Variants in PLPPR1 observed in about 807,000 individuals in gnomAD.
PLPPR1 encodes phospholipid phosphatase related 1.
PLPPR1 carries 10 observed loss-of-function variants against 33.1 expected under a neutral mutation model. The observed-to-expected ratio is 0.30, with a 90% CI of 0.19 to 0.51. PLPPR1 has a LOEUF of 0.51. Among genes scored for constraint, PLPPR1 ranks in the 20% least tolerant of loss-of-function variants. PLPPR1 has a pLI of 0.97. For missense variants in PLPPR1, 304 were observed against 408.1 expected, an observed-to-expected ratio of 0.74 and a Z score of 2.20; for synonymous variants, 151 against 151.0, an observed-to-expected ratio of 1.00 and a Z score of 0.00.
At chr9:101,292,871 C>G (rs989108714) in intron 4 of PLPPR1, among the ~76,000 whole-genome samples, 1 of 151,688 alleles carries the variant, frequency 6.6e-6, no homozygotes, top group African/African-American at 2.4e-5. Flanking sequence ...TAAAGACCAT[C>G]GAGGCTAGGA....
intron 2 of PLPPR1, among the ~76,000 whole-genome samples, chr9:101,231,436 G>A (rs1827184696): frequency 6.6e-6 from 1 of 151,230 alleles, no homozygotes; most frequent in South Asian, 2.1e-4. Flanking sequence ...CAGAGATTTA[G>A]CACAAATTCT....
intron 1 of PLPPR1, among the ~76,000 whole-genome samples, chr9:101,107,677 C>G (rs1278809478): frequency 5.7e-5 from 5 of 88,262 alleles, no homozygotes; most frequent in Non-Finnish European, 1.1e-4. Flanking sequence ...TGGGCTCCAC[C>G]CAGTTCGAGC....
chr9:101,040,664 A>G (rs553776660), intron 1 of PLPPR1, among the ~76,000 whole-genome samples: 8 of 152,302 alleles, frequency 5.3e-5, no homozygotes, highest in African/African-American at 1.9e-4. Flanking sequence ...GCCTTCCCTC[A>G]TAACTGTCTA....
chr9:101,151,006 C>T (rs74565468), intron 1 of PLPPR1, among the ~76,000 whole-genome samples: 11,021 of 151,966 alleles, frequency 0.073, 1,279 homozygotes, highest in African/African-American at 0.25. Flanking sequence ...ACAGCATTGC[C>T]ATTTCTATTT....
chr9:101,189,270 A>T (rs1157434186), intron 2 of PLPPR1, among the ~76,000 whole-genome samples: 1 of 152,110 alleles, frequency 6.6e-6, no homozygotes, highest in Non-Finnish European at 1.5e-5. Context: ...AGATTTAAAA[A>T]TTTTCTGATT....
At chr9:101,160,511 T>C (rs1356729495) in intron 1 of PLPPR1, among the ~76,000 whole-genome samples, 1 of 152,178 alleles carries the variant, frequency 6.6e-6, no homozygotes, top group African/African-American at 2.4e-5. Context: ...GATTTGGGTC[T>C]TCAAACTTTC....
At chr9:101,029,411 T>G (rs1829912814) in intron 1 of PLPPR1, among the ~76,000 whole-genome samples, 1 of 152,168 alleles carries the variant, frequency 6.6e-6, no homozygotes, top group African/African-American at 2.4e-5. Flanking sequence ...TCCGTCCCGT[T>G]CCACCCTCCT....
intron 1 of PLPPR1, among the ~76,000 whole-genome samples, chr9:101,074,817 C>T (rs1300591864): frequency 6.6e-6 from 1 of 151,844 alleles, no homozygotes; most frequent in Admixed American, 6.6e-5. Flanking sequence ...ATAATAGAAA[C>T]ATGTTTGGTG....
intron 2 of PLPPR1, among the ~76,000 whole-genome samples, chr9:101,237,836 T>TGTATACAG (rs1554682636): frequency 7.7e-6 from 1 of 129,894 alleles, no homozygotes; most frequent in Non-Finnish European, 1.6e-5. Flanking sequence ...TATATATATA[T>TGTATACAG]GCTATATATG....
chr9:101,051,292 T>C (rs138354952), intron 1 of PLPPR1, among the ~76,000 whole-genome samples: 2 of 151,958 alleles, frequency 1.3e-5, no homozygotes, highest in African/African-American at 2.4e-5. Context: ...CTACTACTAC[T>C]ACCACTACCA....
chr9:101,260,403 G>C (rs1245895511), intron 2 of PLPPR1, among the ~76,000 whole-genome samples: 6 of 152,132 alleles, frequency 3.9e-5, no homozygotes, highest in Admixed American at 3.9e-4. Flanking sequence ...TTTCAAAAGT[G>C]CAGGTGAGAG....
chr9:101,055,923 C>T (rs769493031), intron 1 of PLPPR1, among the ~76,000 whole-genome samples: 21 of 152,182 alleles, frequency 1.4e-4, no homozygotes, highest in Admixed American at 6.5e-4. Flanking sequence ...TTGGAATTTA[C>T]GTCATGTTCC....
At chr9:101,080,974 C>T (rs1029958200) in intron 1 of PLPPR1, among the ~76,000 whole-genome samples, 10 of 152,104 alleles carry the variant, frequency 6.6e-5, no homozygotes, top group African/African-American at 2.4e-4. Context: ...ATTCCGGAGC[C>T]TAGTGGGAGT....
At chr9:101,231,242 G>A (rs953990059) in intron 2 of PLPPR1, among the ~76,000 whole-genome samples, 3 of 148,632 alleles carry the variant, frequency 2.0e-5, no homozygotes, top group Non-Finnish European at 4.4e-5. Context: ...TGACTATTGC[G>A]GGAAGGGAAA....
rs1297966506 is a variant in PLPPR1 at position 101,324,196 on chromosome 9, G to A, written c.*139G>A. Reference sequence around the variant, plus strand: ...GAAGCTAATGTTTTGTACATTTTTTGTATGAGGAAGTGATGTAGCTTGCCC... The same window carrying A: ...GAAGCTAATGTTTTGTACATTTTTTATATGAGGAAGTGATGTAGCTTGCCC... On this transcript the variant is annotated 3_prime_UTR_variant, in exon 8 of 8. Transcript: ENST00000374874. 3 of 544,952 alleles carry A rather than the reference G, an allele frequency of 5.5e-6. No individual in the cohort carries two copies. Among genetic ancestry groups the A allele is most frequent in the East Asian group, 7.2e-5 (2 of 27,816 alleles). The allele number at this position is 544,952 out of a possible 1,614,324, so 33.8% of individuals were successfully genotyped here.
At chr9:101,099,495 A>G (rs1055943798) in intron 1 of PLPPR1, among the ~76,000 whole-genome samples, 1 of 152,202 alleles carries the variant, frequency 6.6e-6, no homozygotes, top group Non-Finnish European at 1.5e-5. Flanking sequence ...TTACCCATCC[A>G]TGAATTCAAC....
intron 2 of PLPPR1, among the ~76,000 whole-genome samples, chr9:101,239,217 T>G (rs1472798810): frequency 1.3e-5 from 2 of 152,032 alleles, no homozygotes; most frequent in South Asian, 2.1e-4. Context: ...ATACTTCCTT[T>G]CCTTTGGATG....
intron 1 of PLPPR1, chr9:101,131,593 G>A (rs997123365): frequency 3.3e-5 from 5 of 152,220 alleles, no homozygotes; most frequent in African/African-American, 1.2e-4. Context: ...GGTCAGCTCA[G>A]TGAAGGCTCT....
chr9:101,043,982 G>A (rs983269873), intron 1 of PLPPR1, among the ~76,000 whole-genome samples: 8 of 152,086 alleles, frequency 5.3e-5, no homozygotes, highest in African/African-American at 1.7e-4. Context: ...GAACCCAAAA[G>A]CAAATGCAAC....
Sources: allele counts gnomAD v4.1 joint callset (sites outside exome capture counted in the v4.1 genomes callset), GRCh38; gene constraint gnomAD v4.1.1; transcripts MANE v1.5; gene names NCBI Gene and HGNC (gene_info 2026-07-23, HGNC 2026-07-21).